FAT3: variants seen among roughly 807,000 people sequenced by gnomAD.
FAT3 encodes FAT atypical cadherin 3.
A neutral mutation model predicts 310.2 loss-of-function variants in FAT3; 95 were observed. That is an observed-to-expected ratio of 0.31 (90% CI 0.26 to 0.36). The LOEUF is 0.36. Among genes scored for constraint, FAT3 ranks in the 10% least tolerant of loss-of-function variants. The pLI is 1.00. For synonymous variants in FAT3, 2,314 were observed against 2,192.9 expected (o/e 1.06, Z -1.54); for missense variants, 5,408 against 5,715.6 (o/e 0.95, Z 1.74).
intron 2 of FAT3, among the ~76,000 whole-genome samples, chr11:92,455,223 A>G (rs917515746): frequency 2.0e-5 from 3 of 152,294 alleles, no homozygotes; most frequent in South Asian, 2.1e-4. Context: ...TATAATTTCT[A>G]TTTTAAAGAT....
In FAT3 at chr11:92,882,798, G is replaced by C. The variant is rs376313413; in HGVS notation, c.12342G>C (p.Val4114=). 6.8e-6 allele frequency: 11 copies of C among 1,611,822 alleles called. No homozygotes were observed. In the African/African-American group the frequency reaches 1.5e-4, roughly 22 times the overall value. Residue 4114 remains valine (V), a synonymous_variant, in exon 24 of 28, where the codon GTG becomes GTC. Transcript: ENST00000525166. ...REECENGGSC[V]NVFGSFLCNC... ...AGTGTGAGAACGGAGGCTCCTGCGTGAACGTGTTCGGCTCCTTCCTCTGCA... is the reference window on the plus strand; with the variant it reads ...AGTGTGAGAACGGAGGCTCCTGCGTCAACGTGTTCGGCTCCTTCCTCTGCA...
chr11:92,368,390 T>C (rs1949082113), intron 2 of FAT3, among the ~76,000 whole-genome samples: 1 of 152,194 alleles, frequency 6.6e-6, no homozygotes, highest in Non-Finnish European at 1.5e-5. Flanking sequence ...CAGATACTCT[T>C]GCTATTAATA....
chr11:92,644,984 T>A (rs554114592), intron 3 of FAT3, among the ~76,000 whole-genome samples: 28 of 152,218 alleles, frequency 1.8e-4, no homozygotes, highest in Non-Finnish European at 3.8e-4. Flanking sequence ...AAGTGCTTGC[T>A]TCCATGGCTG....
chr11:92,568,642 A>C (rs1955562036), intron 3 of FAT3, among the ~76,000 whole-genome samples: 1 of 152,156 alleles, frequency 6.6e-6, no homozygotes, highest in African/African-American at 2.4e-5. Context: ...AATAAAGTCC[A>C]TACTCCTTCA....
intron 2 of FAT3, among the ~76,000 whole-genome samples, chr11:92,444,532 A>G (rs1459318319): frequency 6.6e-6 from 1 of 152,138 alleles, no homozygotes; most frequent in Non-Finnish European, 1.5e-5. Flanking sequence ...AAATAAATAA[A>G]AAATTGTGTT....
intron 3 of FAT3, among the ~76,000 whole-genome samples, chr11:92,684,664 T>C (rs1235726947): frequency 6.6e-6 from 1 of 152,166 alleles, no homozygotes; most frequent in Non-Finnish European, 1.5e-5. Context: ...GTTATATTTA[T>C]CCTGTGGATA....
At chr11:92,326,149 T>C (rs952397611) in intron 1 of FAT3, among the ~76,000 whole-genome samples, 25 of 152,266 alleles carry the variant, frequency 1.6e-4, no homozygotes, top group African/African-American at 5.5e-4. Context: ...GAGCAAGTAG[T>C]TTTTCTTTGA....
chr11:92,656,584 T>C (rs1942591206), intron 3 of FAT3, among the ~76,000 whole-genome samples: 1 of 152,010 alleles, frequency 6.6e-6, no homozygotes, highest in South Asian at 2.1e-4. Context: ...TTAGTTCTGC[T>C]TTTTTTTGCC....
chr11:92,409,274 GTGTA>G (rs1295744281), intron 2 of FAT3, among the ~76,000 whole-genome samples: 1 of 152,024 alleles, frequency 6.6e-6, no homozygotes, highest in Non-Finnish European at 1.5e-5. Context: ...GTGTGTGTGT[GTGTA>G]TGTGTGTATA....
intron 2 of FAT3, among the ~76,000 whole-genome samples, chr11:92,424,652 A>G (rs1336510977): frequency 6.6e-6 from 1 of 152,172 alleles, no homozygotes; most frequent in African/African-American, 2.4e-5. Flanking sequence ...TATTTGAAGA[A>G]GGAGGAAGAA....
At chr11:92,397,301 A>C (rs1288579660) in intron 2 of FAT3, among the ~76,000 whole-genome samples, 1 of 152,086 alleles carries the variant, frequency 6.6e-6, no homozygotes, top group Non-Finnish European at 1.5e-5. Flanking sequence ...AGGGATGGGG[A>C]GATTTTGTTT....
chr11:92,255,749 A>G (rs1865292970), intron 1 of FAT3, among the ~76,000 whole-genome samples: 1 of 152,176 alleles, frequency 6.6e-6, no homozygotes, highest in Non-Finnish European at 1.5e-5. Context: ...GCAATGAAAC[A>G]GAGTCTGGCG....
intron 3 of FAT3, among the ~76,000 whole-genome samples, chr11:92,687,941 G>A (rs534313783): frequency 2.2e-4 from 34 of 151,874 alleles, no homozygotes; most frequent in East Asian, 2.0e-3. Flanking sequence ...TGACTCACAC[G>A]TAGAATCCCA....
intron 2 of FAT3, among the ~76,000 whole-genome samples, chr11:92,517,905 T>G (rs552649880): frequency 6.6e-6 from 1 of 152,196 alleles, no homozygotes; most frequent in Admixed American, 6.5e-5. Flanking sequence ...GAAATGCAAA[T>G]TAAAACCACA....
At chr11:92,402,863 C>G (rs1393438381) in intron 2 of FAT3, among the ~76,000 whole-genome samples, 8 of 149,534 alleles carry the variant, frequency 5.3e-5, no homozygotes, top group Non-Finnish European at 1.0e-4. Context: ...AAAAGGCCAG[C>G]ACCAAAAACC....
intron 24 of FAT3, among the ~76,000 whole-genome samples, chr11:92,884,860 C>T (rs1262086310): frequency 6.6e-6 from 1 of 151,978 alleles, no homozygotes; most frequent in East Asian, 1.9e-4. Context: ...GTGAACTCAC[C>T]AAGGGAACAA....
chr11:92,635,820 A>T (rs950545660), intron 3 of FAT3, among the ~76,000 whole-genome samples: 2 of 152,244 alleles, frequency 1.3e-5, no homozygotes, highest in African/African-American at 4.8e-5. Context: ...TCTGTCTTGC[A>T]ACTCAAAATA....
Position 92,796,167 on chromosome 11 carries a change from C to A in FAT3, c.4823-1669C>A, listed in dbSNP as rs1947167553. ...TGAAGTGATTTCCCCTTATAAAGTT[C>A]TGTGGATCACCTGTTGGATTCACAC... On this transcript the variant is annotated intron_variant, in intron 9 of 27. Transcript: ENST00000525166. Among the ~76,000 whole-genome samples, 4 of 152,228 alleles carry A rather than the reference C, an allele frequency of 2.6e-5. No homozygotes were observed. The South Asian group carries it at 8.3e-4, about 32-fold the overall frequency.
rs1465029293 is a variant in FAT3 at position 92,353,239 on chromosome 11, T to C, written c.1127T>C (p.Phe376Ser). The C allele has an allele frequency of 1.9e-6, 3 of 1,613,594 alleles. No homozygotes were observed. In the African/African-American group the frequency reaches 4.0e-5, roughly 22 times the overall value. ...ACAAGAGACACTGTCCCCATTAGAT[T>C]TGAAAAAGAAGTGTACGATGTGAGC... is the stretch of plus-strand genomic sequence containing the variant. ...NPTRDTVPIR[F>S]EKEVYDVSIS... The change falls in exon 2 of 28, where the codon TTT (phenylalanine) becomes TCT (serine). Residue 376 changes from phenylalanine to serine, a missense_variant. By Grantham distance (155) the Phe-to-Ser change is radical. Around this residue, in one of 5 missense-constraint regions of FAT3, gnomAD observed 4,588 missense variants for 4,809.8 expected, o/e 0.95. Coordinates refer to ENST00000525166, the MANE Select transcript of FAT3 (RefSeq NM_001367949.2).
Sources: allele counts gnomAD v4.1 joint callset (sites outside exome capture counted in the v4.1 genomes callset), GRCh38; gene constraint gnomAD v4.1.1; regional missense constraint gnomAD v4.1.1; transcripts MANE v1.5; gene names NCBI Gene and HGNC (gene_info 2026-07-23, HGNC 2026-07-21).